Variants in PSPH observed in about 807,000 individuals in gnomAD.
PSPH encodes L-3-phosphoserine phosphatase.
Under a neutral mutation model 23.4 loss-of-function variants are expected in PSPH, and 16 were observed. The observed-to-expected ratio is 0.68, with a 90% CI of 0.46 to 1.04. The LOEUF is 1.04. PSPH is among the 50% of genes least tolerant of loss of function. The pLI is 0.00. For synonymous variants in PSPH, 68 were observed against 99.7 expected (o/e 0.68, Z 1.89); for missense variants, 223 against 273.7 (o/e 0.81, Z 1.31).
At chr7:56,018,845 C>T (rs1222985872) in intron 5 of PSPH, among the ~76,000 whole-genome samples, 2 of 151,950 alleles carry the variant, frequency 1.3e-5, no homozygotes, top group African/African-American at 4.8e-5. Context: ...TGGCCTACGT[C>T]TGTAGTCCCA....
rs151158515 is a variant in PSPH, at chr7:56,011,977, C to T, written c.571-108G>A. 8.3e-3 allele frequency: 6,961 copies of T among 836,834 alleles called. 54 individuals are homozygous for T. The highest frequency in any genetic ancestry group is 0.02 in the Middle Eastern group (65 of 3,182). 51.8% of individuals were successfully genotyped at this position (836,834 alleles called of 1,614,324 possible). A position where few individuals can be genotyped will look rare whatever the true frequency, so the allele number is the denominator to read the frequency against. Reference sequence around the variant, plus strand: ...CTGGAGTGCAGTGACACAATCTCCACTCACTGCAACCTCTGCCTCCTGGGT... The same window carrying T: ...CTGGAGTGCAGTGACACAATCTCCATTCACTGCAACCTCTGCCTCCTGGGT... On this transcript the variant is annotated intron_variant, in intron 7 of 7. Coordinates refer to ENST00000275605, the MANE Select transcript of PSPH (RefSeq NM_004577.4).
At chr7:56,022,729 A>G (rs919915576) in intron 3 of PSPH, among the ~76,000 whole-genome samples, 2 of 152,176 alleles carry the variant, frequency 1.3e-5, no homozygotes, top group African/African-American at 4.8e-5. Flanking sequence ...AATGTCGCCA[A>G]TGTACAGGGG....
At chr7:56,013,099 ATATG>A (rs1464954125) in intron 7 of PSPH, among the ~76,000 whole-genome samples, 1 of 147,190 alleles carries the variant, frequency 6.8e-6, no homozygotes, top group Non-Finnish European at 1.5e-5. Context: ...ATATATATAC[ATATG>A]TGTGTATATA....
chr7:56,029,749 C>T (rs184616705), intron 3 of PSPH, among the ~76,000 whole-genome samples: 1 of 152,012 alleles, frequency 6.6e-6, no homozygotes, highest in East Asian at 1.9e-4. Flanking sequence ...AAAATAAAAG[C>T]CTGTACAGAG....
chr7:56,036,064 A>T (rs1342161627), intron 1 of PSPH, among the ~76,000 whole-genome samples: 1 of 152,052 alleles, frequency 6.6e-6, no homozygotes, highest in East Asian at 1.9e-4. Flanking sequence ...CCCCATCTCT[A>T]CTACAAATAT....
chr7:56,012,389 T>G (rs908276386), intron 7 of PSPH, among the ~76,000 whole-genome samples: 4 of 151,968 alleles, frequency 2.6e-5, no homozygotes, highest in African/African-American at 9.7e-5. Flanking sequence ...GCCACGTTGC[T>G]CAGCTGGTCT....
In PSPH at chr7:56,032,698, C is replaced by G. The variant is rs577404264; in HGVS notation, c.-145-644G>C. Among the ~76,000 whole-genome samples, 8 of 151,532 alleles carry G rather than the reference C, an allele frequency of 5.3e-5. No homozygotes were observed. The East Asian group carries it at 1.6e-3, about 29-fold the overall frequency. The stretch of plus-strand genomic sequence containing the variant: ...GGGCATGGGGACTCACACCTGTAAT[C>G]CCAGCACTTCGGGAGGCCGAGGAGG... On this transcript the variant is annotated intron_variant, in intron 2 of 7. Transcript: ENST00000275605.
intron 1 of PSPH, among the ~76,000 whole-genome samples, chr7:56,049,377 C>A (rs1449881028): frequency 6.6e-6 from 1 of 152,104 alleles, no homozygotes; most frequent in Non-Finnish European, 1.5e-5. Flanking sequence ...ACTTCTTATA[C>A]ATGTTATTTA....
chr7:56,038,615 G>A (rs113152440), intron 1 of PSPH, among the ~76,000 whole-genome samples: 33,348 of 151,774 alleles, frequency 0.22, 3,822 homozygotes, highest in East Asian at 0.4. Flanking sequence ...TGGGAGGATC[G>A]CTTGAGCCCA....
At chr7:56,029,275 G>C (rs1321284801) in intron 3 of PSPH, among the ~76,000 whole-genome samples, 2 of 152,130 alleles carry the variant, frequency 1.3e-5, no homozygotes, top group Non-Finnish European at 2.9e-5. Flanking sequence ...ATCATTGCCA[G>C]AGAATGGACT....
chr7:56,014,269 G>C (rs960981633), intron 7 of PSPH, among the ~76,000 whole-genome samples: 6 of 152,168 alleles, frequency 3.9e-5, no homozygotes, highest in Admixed American at 3.3e-4. Context: ...ATTATTTGGG[G>C]AAATGAAATC....
intron 1 of PSPH, among the ~76,000 whole-genome samples, 169 bp downstream of exon 1, chr7:56,050,950 GGGAGGATCACTTGAACTCA>G (rs1196887077): frequency 6.6e-6 from 1 of 152,112 alleles, no homozygotes; most frequent in Admixed American, 6.5e-5. Flanking sequence ...AGGCCGAGGC[GGGAGGATCACTTGAACTCA>G]GGAGTATCAC....
chr7:56,011,989 T>C (rs977350359), intron 7 of PSPH, 120 bp from the exon 8 acceptor site: 38 of 772,716 alleles, frequency 4.9e-5, no homozygotes, highest in African/African-American at 1.7e-4. Flanking sequence ...CACTGCAACC[T>C]CTGCCTCCTG....
chr7:56,039,229 C>A (rs1334176773), intron 1 of PSPH, among the ~76,000 whole-genome samples: 1 of 151,124 alleles, frequency 6.6e-6, no homozygotes, highest in African/African-American at 2.4e-5. Flanking sequence ...CTGTGATGCT[C>A]CAATAGCCAC....
Position 56,019,723 on chromosome 7 carries a change from G to T in PSPH, c.152C>A (p.Ala51Asp). 6.2e-7 allele frequency: 1 copy of T among 1,613,438 alleles called. No individual in the cohort carries two copies. Among genetic ancestry groups the T allele is most frequent in the Non-Finnish European group, 8.5e-7 (1 of 1,179,862 alleles). ...TTTGAAAGGCACTGCCCCGCCCATG[G>T]CTCGCCGTGTCCTAGGAGGGAGACC... ...EDAVSEMTRR[A>D]MGGAVPFKAA... Residue 51 changes from alanine (A) to aspartate (D), a missense_variant, in exon 5 of 8, where the codon GCC becomes GAC. By Grantham distance (126) the Ala-to-Asp change is moderately radical (BLOSUM62 -2). Coordinates refer to ENST00000275605, the MANE Select transcript of PSPH (RefSeq NM_004577.4).
At chr7:56,030,980 G>C (rs1367463652) in intron 3 of PSPH, among the ~76,000 whole-genome samples, 7 of 152,002 alleles carry the variant, frequency 4.6e-5, no homozygotes, top group Admixed American at 2.6e-4. Flanking sequence ...GGGAGGCTGA[G>C]GCGGGTGGAT....
intron 1 of PSPH, among the ~76,000 whole-genome samples, chr7:56,045,369 T>C (rs1224930482): frequency 6.6e-6 from 1 of 150,614 alleles, no homozygotes; most frequent in African/African-American, 2.4e-5. Context: ...CCAGGCATGA[T>C]GGTGGATCAC....
rs553961876 is a variant in PSPH, at chr7:56,028,037, A to C, written c.-20+3892T>G. Among the ~76,000 whole-genome samples the C allele has an allele frequency of 2.5e-4, 37 of 150,236 alleles. 1 individual carries two copies. In the South Asian group the frequency reaches 7.5e-3, roughly 30 times the overall value. Reference sequence around the variant, plus strand: ...GCACTCCAGCCTGGGTGACAGAGTGAGACCCTGCCTCAAAAAAAAAAAAAA... The same window carrying C: ...GCACTCCAGCCTGGGTGACAGAGTGCGACCCTGCCTCAAAAAAAAAAAAAA... On this transcript the variant is annotated intron_variant, in intron 3 of 7. Coordinates refer to ENST00000275605, the MANE Select transcript of PSPH (RefSeq NM_004577.4).
chr7:56,046,921 A>G (rs1793327524), intron 1 of PSPH, among the ~76,000 whole-genome samples: 1 of 152,126 alleles, frequency 6.6e-6, no homozygotes, highest in Non-Finnish European at 1.5e-5. Context: ...AAGAAACATT[A>G]ACTTGTCTCT....
Sources: allele counts gnomAD v4.1 joint callset (sites outside exome capture counted in the v4.1 genomes callset), GRCh38; gene constraint gnomAD v4.1.1; transcripts MANE v1.5; gene names NCBI Gene and HGNC (gene_info 2026-07-23, HGNC 2026-07-21).